SUPT3H: variants seen among roughly 807,000 people sequenced by gnomAD.
The protein encoded by SUPT3H is transcription initiation protein SPT3 homolog.
Under a neutral mutation model 44.3 loss-of-function variants are expected in SUPT3H, and 44 were observed. The observed-to-expected ratio is 0.99, with a 90% CI of 0.78 to 1.28. SUPT3H has a LOEUF of 1.28. Ranked by LOEUF, SUPT3H falls within the 50% of genes most tolerant of loss-of-function variation. The pLI is 0.00. For missense variants in SUPT3H, 380 were observed against 387.1 expected, an observed-to-expected ratio of 0.98 and a Z score of 0.15; for synonymous variants, 124 against 125.6, an observed-to-expected ratio of 0.99 and a Z score of 0.09.
In SUPT3H at chr6:45,081,066, CAT is replaced by C. The variant is rs200514896; in HGVS notation, c.186+24854_186+24855del. 2.4e-3 allele frequency among the ~76,000 whole-genome samples: 355 copies of C among 150,198 alleles called. 1 individual carries two copies. The highest frequency in any genetic ancestry group is 7.5e-3 in the African/African-American group (307 of 40,900). ...ATGTACATATATACGTATATATGTA[CAT>C]ATATATATACAACTATGTATCCACA... On this transcript the variant is annotated intron_variant, in intron 3 of 10. Coordinates refer to ENST00000371459, the MANE Select transcript of SUPT3H (RefSeq NM_003599.4).
chr6:45,080,613 T>C (rs1273848214), intron 3 of SUPT3H, among the ~76,000 whole-genome samples: 1 of 152,130 alleles, frequency 6.6e-6, no homozygotes, highest in East Asian at 1.9e-4. Context: ...AAAAAAAGAT[T>C]CTGTTATTTG....
At chr6:45,300,612 C>T (rs571900982) in intron 2 of SUPT3H, among the ~76,000 whole-genome samples, 9 of 152,166 alleles carry the variant, frequency 5.9e-5, no homozygotes, top group Admixed American at 1.3e-4. Flanking sequence ...TAGGAAGCGA[C>T]GGCTTAATGG....
At chr6:45,128,079 C>G (rs770897215) in intron 2 of SUPT3H, among the ~76,000 whole-genome samples, 7 of 152,196 alleles carry the variant, frequency 4.6e-5, no homozygotes, top group Middle Eastern at 3.4e-3. Context: ...CTTACTTTGT[C>G]TGATATTAAT....
rs546817209 is a variant in SUPT3H, at chr6:45,345,606, A to G, written c.101+19595T>C. ...TCTCATAAATCCCCAAGACCTAACA[A>G]TCTAACCTATGCAATATCACTTACA... On this transcript the variant is annotated intron_variant, in intron 2 of 10. Transcript: ENST00000371459. Among the ~76,000 whole-genome samples the G allele has an allele frequency of 1.9e-3, 283 of 152,228 alleles. 1 individual carries two copies. The highest frequency in any genetic ancestry group is 6.3e-3 in the African/African-American group (262 of 41,530).
intron 10 of SUPT3H, among the ~76,000 whole-genome samples, chr6:44,830,326 C>CCTCCTCCCTAAAATATGATGATCT (rs911199245): frequency 1.3e-5 from 2 of 152,098 alleles, no homozygotes; most frequent in Admixed American, 1.3e-4. Flanking sequence ...AGAGGCCTCT[C>CCTCCTCCCTAAAATATGATGATCT]CTCCTCCCTA....
chr6:45,271,121 A>G (rs1776064839), intron 2 of SUPT3H, among the ~76,000 whole-genome samples: 1 of 152,222 alleles, frequency 6.6e-6, no homozygotes, highest in African/African-American at 2.4e-5. Context: ...AATAGAGCAT[A>G]AAAGTTTGGA....
chr6:44,844,591 C>G (rs563906243), intron 10 of SUPT3H, among the ~76,000 whole-genome samples: 1 of 152,276 alleles, frequency 6.6e-6, no homozygotes, highest in Non-Finnish European at 1.5e-5. Flanking sequence ...TGCAATAACA[C>G]AGATGAACTT....
At chr6:45,124,337 A>G (rs1056678401) in intron 2 of SUPT3H, among the ~76,000 whole-genome samples, 1 of 152,172 alleles carries the variant, frequency 6.6e-6, no homozygotes, top group African/African-American at 2.4e-5. Context: ...TTAAATTGTA[A>G]AAGTACAGTT....
intron 3 of SUPT3H, among the ~76,000 whole-genome samples, chr6:45,077,632 A>AAAAAAAAAAAG (rs1795184475): frequency 1.2e-5 from 1 of 84,720 alleles, no homozygotes; most frequent in Non-Finnish European, 2.1e-5. Context: ...GTTTCAAAAA[A>AAAAAAAAAAAG]AAAAAAAAAA....
At chr6:44,941,134 T>C (rs561656120) in intron 9 of SUPT3H, among the ~76,000 whole-genome samples, 2 of 152,264 alleles carry the variant, frequency 1.3e-5, no homozygotes, top group South Asian at 4.1e-4. Flanking sequence ...TGATAAATTC[T>C]TTGTTTCTTT....
At chr6:44,988,969 A>G (rs988992131) in intron 6 of SUPT3H, among the ~76,000 whole-genome samples, 18 of 152,254 alleles carry the variant, frequency 1.2e-4, no homozygotes, top group African/African-American at 4.1e-4. Context: ...TTACGAATGA[A>G]TTGTAAATTT....
At chr6:44,939,017 G>T (rs548251964) in intron 9 of SUPT3H, among the ~76,000 whole-genome samples, 1 of 152,192 alleles carries the variant, frequency 6.6e-6, no homozygotes, top group African/African-American at 2.4e-5. Context: ...CAGCAAACGG[G>T]AATAATTTTA....
At chr6:45,336,934 T>C (rs896632983) in intron 2 of SUPT3H, among the ~76,000 whole-genome samples, 11 of 151,786 alleles carry the variant, frequency 7.2e-5, no homozygotes, top group African/African-American at 2.6e-4. Flanking sequence ...TTACTCATTA[T>C]TATAAACTGG....
chr6:44,916,725 T>C (rs1767861081), intron 10 of SUPT3H, among the ~76,000 whole-genome samples: 1 of 152,198 alleles, frequency 6.6e-6, no homozygotes, highest in Non-Finnish European at 1.5e-5. Flanking sequence ...GTAATCTACA[T>C]TTAAATTCTA....
intron 2 of SUPT3H, among the ~76,000 whole-genome samples, chr6:45,304,691 C>T (rs28503975): frequency 4.1e-4 from 63 of 152,112 alleles, no homozygotes; most frequent in Middle Eastern, 6.8e-3. Context: ...ACCAAAAATA[C>T]GAATAGAAAA....
chr6:45,307,942 C>T lies in SUPT3H; in HGVS notation c.101+57259G>A, dbSNP rs184410693. ...CCTGATGGAGCTGAAAACCACGGCA[C>T]GAGAACTACGTGACAAATGCACAAG... On this transcript the variant is annotated intron_variant, in intron 2 of 10. Transcript: ENST00000371459. Among the ~76,000 whole-genome samples the T allele has an allele frequency of 8.9e-3, 1,352 of 152,174 alleles. 9 individuals are homozygous for T. The highest frequency in any genetic ancestry group is 0.012 in the Non-Finnish European group (812 of 68,016).
At chr6:45,038,999 G>A (rs1164572600) in intron 3 of SUPT3H, among the ~76,000 whole-genome samples, 1 of 151,964 alleles carries the variant, frequency 6.6e-6, no homozygotes, top group Non-Finnish European at 1.5e-5. Context: ...TGTTCTTTAA[G>A]GTGTATTTTT....
chr6:44,894,251 C>T (rs934277254), intron 10 of SUPT3H, among the ~76,000 whole-genome samples: 2 of 150,098 alleles, frequency 1.3e-5, no homozygotes, highest in African/African-American at 4.9e-5. Flanking sequence ...TCAATTTTGG[C>T]TTTTGTTGCC....
At chr6:45,171,974 C>T (rs1168369256) in intron 2 of SUPT3H, among the ~76,000 whole-genome samples, 1 of 151,858 alleles carries the variant, frequency 6.6e-6, no homozygotes, top group African/African-American at 2.4e-5. Context: ...CCTCGGCCTC[C>T]CAAAGTGCTG....
Sources: gnomAD v4.1 joint callset for allele counts (sites outside exome capture counted in the v4.1 genomes callset) on GRCh38, gnomAD v4.1.1 for gene constraint, MANE v1.5 for transcripts, NCBI Gene and HGNC (gene_info 2026-07-23, HGNC 2026-07-21) for gene names.